Variants in NTM observed in about 807,000 individuals in gnomAD.
NTM encodes the protein IgLON family member 2.
A neutral mutation model predicts 42.1 loss-of-function variants in NTM; 13 were observed. The observed-to-expected ratio is 0.31, with a 90% CI of 0.20 to 0.49. The LOEUF (loss-of-function observed/expected upper bound fraction) is 0.49. NTM is among the 20% of genes least tolerant of loss of function. The probability of loss-of-function intolerance (pLI) is 0.99; values close to 1 mark genes in which losing one functional copy is unlikely to be tolerated. For synonymous variants in NTM, 187 were observed against 179.2 expected, an observed-to-expected ratio of 1.04 and a Z score of -0.35; for missense variants, 373 against 452.8, an observed-to-expected ratio of 0.82 and a Z score of 1.60.
chr11:131,468,605 C>A (rs971322792), intron 1 of NTM, among the ~76,000 whole-genome samples: 1 of 151,990 alleles, frequency 6.6e-6, no homozygotes, highest in Non-Finnish European at 1.5e-5. Flanking sequence ...GAGAAAATAT[C>A]ATGTCAATGT....
chr11:131,465,345 A>C (rs1951785913), intron 1 of NTM, among the ~76,000 whole-genome samples: 1 of 152,184 alleles, frequency 6.6e-6, no homozygotes, highest in Non-Finnish European at 1.5e-5. Context: ...TCTGCAGCCC[A>C]GACTGGAAAA....
intron 1 of NTM, among the ~76,000 whole-genome samples, chr11:131,842,065 A>G (rs1045980577): frequency 6.6e-6 from 1 of 152,208 alleles, no homozygotes; most frequent in African/African-American, 2.4e-5. Flanking sequence ...CCCAACTTGC[A>G]CCACATGAGC....
chr11:132,162,660 CTTGTGT>C (rs2074565301), intron 3 of NTM, among the ~76,000 whole-genome samples: 1 of 125,552 alleles, frequency 8.0e-6, no homozygotes, highest in Non-Finnish European at 1.7e-5. Flanking sequence ...GTTTGTGGGG[CTTGTGT>C]GAGTGTGTGT....
chr11:132,028,863 C>T (rs978830435), intron 2 of NTM, among the ~76,000 whole-genome samples: 3 of 152,090 alleles, frequency 2.0e-5, no homozygotes, highest in African/African-American at 7.2e-5. Flanking sequence ...TTTCTTTGAT[C>T]CTTACTGTGA....
intron 1 of NTM, among the ~76,000 whole-genome samples, chr11:131,832,554 T>G (rs903046056): frequency 2.6e-5 from 4 of 152,180 alleles, no homozygotes; most frequent in African/African-American, 9.6e-5. Context: ...CTATGAAAAT[T>G]AATCTTGACT....
intron 4 of NTM, among the ~76,000 whole-genome samples, chr11:132,289,375 T>C (rs529906618): frequency 6.6e-6 from 1 of 152,334 alleles, no homozygotes; most frequent in South Asian, 2.1e-4. Flanking sequence ...TCAAAGCCTT[T>C]GGTGTACTGT....
intron 1 of NTM, among the ~76,000 whole-genome samples, chr11:131,633,569 C>A (rs1242268430): frequency 1.3e-5 from 2 of 150,438 alleles, no homozygotes; most frequent in Non-Finnish European, 3.0e-5. Flanking sequence ...CTCTCTCTCT[C>A]TACCTCTCCA....
chr11:131,556,390 G>A (rs2136955744), intron 1 of NTM, among the ~76,000 whole-genome samples: 1 of 152,260 alleles, frequency 6.6e-6, no homozygotes, highest in Non-Finnish European at 1.5e-5. Flanking sequence ...TAATGCTTCA[G>A]GTTACACTTT....
chr11:131,975,481 T>C (rs1422089237), intron 2 of NTM, among the ~76,000 whole-genome samples: 2 of 152,210 alleles, frequency 1.3e-5, no homozygotes, highest in East Asian at 3.9e-4. Flanking sequence ...CCTGGCCGAA[T>C]CTTGCCTTCA....
intron 1 of NTM, among the ~76,000 whole-genome samples, chr11:131,489,991 T>C (rs775597484): frequency 6.6e-6 from 1 of 152,238 alleles, no homozygotes; most frequent in African/African-American, 2.4e-5. Context: ...ATCAGGCTGC[T>C]TCCACTCATG....
chr11:132,075,954 C>T (rs573692410), intron 2 of NTM, among the ~76,000 whole-genome samples: 2 of 152,128 alleles, frequency 1.3e-5, no homozygotes, highest in South Asian at 2.1e-4. Context: ...AGGTAAATGT[C>T]GACAGCATTG....
intron 1 of NTM, among the ~76,000 whole-genome samples, chr11:131,622,127 C>T (rs149837560): frequency 2.0e-5 from 3 of 152,200 alleles, no homozygotes; most frequent in Non-Finnish European, 4.4e-5. Context: ...GGGGGACCAT[C>T]CACAGGAAGC....
In NTM at chr11:131,672,912, G is replaced by C. The variant is rs567381830; in HGVS notation, c.83-238652G>C. Among the ~76,000 whole-genome samples the C allele has an allele frequency of 2.8e-4, 26 of 91,930 alleles. 2 individuals carry two copies. The highest frequency in any genetic ancestry group is 1.2e-3 in the African/African-American group (26 of 22,342). 60.3% of individuals were successfully genotyped at this position (91,930 alleles called of 152,430 possible). A position where few individuals can be genotyped will look rare whatever the true frequency, so the allele number is the denominator to read the frequency against. ...ACAACAGAGAAGACCACGGTGCCGGGGTGGGGGTGGGGTGTGACCGTGTTC... is the reference window on the plus strand; with the variant it reads ...ACAACAGAGAAGACCACGGTGCCGGCGTGGGGGTGGGGTGTGACCGTGTTC... On this transcript the variant is annotated intron_variant, in intron 1 of 8. Transcript: ENST00000683400.
intron 1 of NTM, among the ~76,000 whole-genome samples, chr11:131,797,838 A>T (rs1310257741): frequency 1.3e-5 from 2 of 152,194 alleles, no homozygotes; most frequent in African/African-American, 4.8e-5. Flanking sequence ...TAATAATCTC[A>T]CCTTGTATCA....
intron 1 of NTM, among the ~76,000 whole-genome samples, chr11:131,890,767 C>T (rs574781764): frequency 2.2e-4 from 34 of 152,250 alleles, no homozygotes; most frequent in Non-Finnish European, 3.8e-4. Flanking sequence ...TGGTGCCACC[C>T]GGACGCATGC....
intron 1 of NTM, among the ~76,000 whole-genome samples, chr11:131,393,957 T>C (rs1252613672): frequency 6.6e-6 from 1 of 152,234 alleles, no homozygotes; most frequent in African/African-American, 2.4e-5. Flanking sequence ...ATCCTAGATG[T>C]ACAATTCCAT....
intron 1 of NTM, among the ~76,000 whole-genome samples, chr11:131,798,023 T>G (rs1485602851): frequency 6.6e-6 from 1 of 152,216 alleles, no homozygotes; most frequent in Non-Finnish European, 1.5e-5. Flanking sequence ...CCTTTCATAA[T>G]GGTCTAATGC....
Position 131,898,459 on chromosome 11 carries a change from C to T in NTM, c.83-13105C>T, listed in dbSNP as rs139785204. The stretch of plus-strand genomic sequence containing the variant: ...CGAGTGATTATAAATAAGACACTCT[C>T]CCCTTTTCTGTTCTTTTGAAATTGT... On this transcript the variant is annotated intron_variant, in intron 1 of 8. Transcript: ENST00000683400. 1.1e-4 allele frequency among the ~76,000 whole-genome samples: 16 copies of T among 152,316 alleles called. No homozygotes were observed. In the East Asian group the frequency reaches 3.1e-3, roughly 29 times the overall value.
chr11:132,089,342 A>C (rs528299340), intron 2 of NTM, among the ~76,000 whole-genome samples: 9 of 152,304 alleles, frequency 5.9e-5, no homozygotes, highest in Admixed American at 1.3e-4. Flanking sequence ...TTCTTCAAAA[A>C]AATGCTTCAG....
Sources: allele counts gnomAD v4.1 joint callset (sites outside exome capture counted in the v4.1 genomes callset), GRCh38; gene constraint gnomAD v4.1.1; transcripts MANE v1.5; gene names NCBI Gene and HGNC (gene_info 2026-07-23, HGNC 2026-07-21).